Variants in TLCD4 observed in about 807,000 individuals in gnomAD.
TLCD4 encodes TLC domain-containing protein 4.
A neutral mutation model predicts 24.2 loss-of-function variants in TLCD4; 7 were observed. The ratio of observed to expected loss-of-function variants is 0.29; its 90% CI spans 0.16 to 0.54. The LOEUF (loss-of-function observed/expected upper bound fraction) is 0.54. TLCD4 is among the 20% of genes least tolerant of loss of function. The pLI is 0.95. For missense variants in TLCD4, 259 were observed against 313.9 expected (o/e 0.82, Z 1.32); for synonymous variants, 103 against 106.4 (o/e 0.97, Z 0.20).
chr1:95,141,227 C>T (rs1483775498), intron 1 of TLCD4, among the ~76,000 whole-genome samples: 5 of 151,904 alleles, frequency 3.3e-5, no homozygotes, highest in South Asian at 2.1e-4. Context: ...GATTTTTGGG[C>T]GAGGGTGGGA....
intron 1 of TLCD4, among the ~76,000 whole-genome samples, chr1:95,130,358 TG>T (rs1676858600): frequency 6.6e-6 from 1 of 152,150 alleles, no homozygotes; most frequent in Non-Finnish European, 1.5e-5. Flanking sequence ...TTTACCATAT[TG>T]GCCAGGCTGG....
chr1:95,179,501 T>C (rs904577818), intron 6 of TLCD4, among the ~76,000 whole-genome samples: 4 of 152,260 alleles, frequency 2.6e-5, no homozygotes, highest in African/African-American at 9.6e-5. Context: ...GCTACTGCTT[T>C]AATGTTCACT....
chr1:95,127,117 T>C (rs1332077285), intron 1 of TLCD4, among the ~76,000 whole-genome samples: 1 of 152,232 alleles, frequency 6.6e-6, no homozygotes, highest in Non-Finnish European at 1.5e-5. Flanking sequence ...ACAGAGGTTG[T>C]GTTGTTCTTG....
At position 95,184,317 on chromosome 1, in the gene TLCD4, A is replaced by G. The variant is rs143316134; in HGVS notation, c.474-7233A>G. 1.9e-4 allele frequency among the ~76,000 whole-genome samples: 29 copies of G among 150,714 alleles called. No homozygotes were observed. The East Asian group carries it at 5.4e-3, about 28-fold the overall frequency. ...TAAAACTCAACAAACCAGTGCCATC[A>G]AGGATCAATTATTTGTCCCTGTCCT... On this transcript the variant is annotated intron_variant, in intron 6 of 6. Transcript: ENST00000370203.
chr1:95,160,914 T>C (rs1385754493), intron 5 of TLCD4, among the ~76,000 whole-genome samples: 4 of 152,252 alleles, frequency 2.6e-5, no homozygotes, highest in South Asian at 2.1e-4. Flanking sequence ...CAGTATTTTA[T>C]TGAGGATTTT....
At chr1:95,148,897 T>A (rs1361528685) in intron 3 of TLCD4, 106 bp downstream of exon 3, 5 of 1,364,076 alleles carry the variant, frequency 3.7e-6, no homozygotes, top group Non-Finnish European at 4.9e-6. Flanking sequence ...TGATCGTATA[T>A]GCCTTATTAA....
intron 1 of TLCD4, among the ~76,000 whole-genome samples, chr1:95,122,037 G>T (rs1425807235): frequency 1.3e-5 from 2 of 152,120 alleles, no homozygotes; most frequent in African/African-American, 4.8e-5. Flanking sequence ...TTACAACACC[G>T]AACACTCCTA....
the TLCD4 span, among the ~76,000 whole-genome samples, chr1:95,097,550 G>A: frequency 8.5e-5 from 13 of 152,238 alleles, no homozygotes; most frequent in Non-Finnish European, 1.5e-4. Flanking sequence ...AAAGGAGGTA[G>A]TCCAAGATGG....
In TLCD4 at chr1:95,185,050, T is replaced by C. The variant is rs373727949; in HGVS notation, c.474-6500T>C. Among the ~76,000 whole-genome samples, 19 of 152,172 alleles carry C rather than the reference T, an allele frequency of 1.2e-4. 1 individual carries two copies. The highest frequency in any genetic ancestry group is 4.6e-4 in the African/African-American group (19 of 41,520). On this transcript the variant is annotated intron_variant, in intron 6 of 6. Transcript: ENST00000370203. Reference sequence around the variant, plus strand: ...TTTTTTTTTCTTTTTTTTTAAATTATACTTTAAGTTTTAGGGTACATGTGC... The same window carrying C: ...TTTTTTTTTCTTTTTTTTTAAATTACACTTTAAGTTTTAGGGTACATGTGC...
intron 1 of TLCD4, among the ~76,000 whole-genome samples, chr1:95,127,848 A>G (rs922321487): frequency 1.3e-5 from 2 of 152,222 alleles, no homozygotes; most frequent in Non-Finnish European, 2.9e-5. Flanking sequence ...GCCAGCTACT[A>G]TATTAATTTG....
At chr1:95,094,146 T>TC in the TLCD4 span, among the ~76,000 whole-genome samples, 1 of 152,226 alleles carries the variant, frequency 6.6e-6, no homozygotes, top group East Asian at 1.9e-4. Flanking sequence ...CTCCCTTTTT[T>TC]CTGATACAAG....
At chr1:95,154,820 T>C (rs1324389708) in intron 5 of TLCD4, among the ~76,000 whole-genome samples, 3 of 149,700 alleles carry the variant, frequency 2.0e-5, no homozygotes, top group Admixed American at 1.3e-4. Flanking sequence ...CCTGAAACGG[T>C]TTCCATTAAT....
intron 6 of TLCD4, among the ~76,000 whole-genome samples, chr1:95,183,172 A>G (rs191995955): frequency 1.3e-5 from 2 of 152,354 alleles, no homozygotes; most frequent in Non-Finnish European, 2.9e-5. Flanking sequence ...TGGACAGTGT[A>G]ATTTTATTAG....
Position 95,148,706 on chromosome 1 carries a change from G to A in TLCD4, c.160G>A (p.Val54Ile), listed in dbSNP as rs772745192. The change falls in exon 3 of 7, where the codon GTA (valine) becomes ATA (isoleucine). Residue 54 changes from valine to isoleucine, a missense_variant. Transcript: ENST00000370203. ...GTGTATTTTGTTTAATTTCAGGGTA[G>A]TATCCACATGCCATTCTTTGGTGGT... ...KKKIEWNSRV[V>I]STCHSLVVGI... 3.1e-6 allele frequency: 5 copies of A among 1,613,538 alleles called. No individual in the cohort carries two copies. Among genetic ancestry groups the A allele is most frequent in the Non-Finnish European group, 4.2e-6 (5 of 1,179,722 alleles).
the TLCD4 span, among the ~76,000 whole-genome samples, chr1:95,103,374 AG>A: frequency 3.9e-5 from 6 of 152,210 alleles, no homozygotes; most frequent in Admixed American, 1.3e-4. Context: ...AGAGGTTGGA[AG>A]ATAGAGCTCG....
chr1:95,127,069 T>A (rs1012062305), intron 1 of TLCD4, among the ~76,000 whole-genome samples: 12 of 152,238 alleles, frequency 7.9e-5, no homozygotes, highest in African/African-American at 2.9e-4. Context: ...ATCTTGCCAT[T>A]AGGCATTCTC....
chr1:95,151,505 T>C, intron 5 of TLCD4, 86 bp downstream of exon 5: 2 of 1,486,752 alleles, frequency 1.3e-6, no homozygotes, highest in African/African-American at 1.4e-5. Context: ...AAACATACAA[T>C]TCTTAGTTTT....
chr1:95,142,654 A>G (rs932318682), intron 1 of TLCD4, among the ~76,000 whole-genome samples: 12 of 152,186 alleles, frequency 7.9e-5, no homozygotes, highest in Non-Finnish European at 1.3e-4. Context: ...CAAATGAAGT[A>G]GTGGCCCACA....
At chr1:95,142,047 C>G (rs904745958) in intron 1 of TLCD4, among the ~76,000 whole-genome samples, 4 of 149,570 alleles carry the variant, frequency 2.7e-5, no homozygotes, top group African/African-American at 9.8e-5. Flanking sequence ...TGATTTATTT[C>G]TTTTTCATTT....
Sources: gnomAD v4.1 joint callset for allele counts (sites outside exome capture counted in the v4.1 genomes callset) on GRCh38, gnomAD v4.1.1 for gene constraint, MANE v1.5 for transcripts, NCBI Gene and HGNC (gene_info 2026-07-23, HGNC 2026-07-21) for gene names.